SPEF2: variants seen among roughly 807,000 people sequenced by gnomAD.
The protein encoded by SPEF2 is sperm flagella and cilia-associated protein 2.
SPEF2 carries 187 observed loss-of-function variants against 224.6 expected under a neutral mutation model. That is an observed-to-expected ratio of 0.83 (90% CI 0.74 to 0.94). The LOEUF (loss-of-function observed/expected upper bound fraction) is 0.94, where lower values mean the gene tolerates loss of function less well. Among genes scored for constraint, SPEF2 ranks in the 40% least tolerant of loss-of-function variants. SPEF2 has a pLI of 0.00. For missense variants in SPEF2, 2,170 were observed against 2,135.6 expected (o/e 1.02, Z -0.32); for synonymous variants, 715 against 707.3 (o/e 1.01, Z -0.17).
chr5:35,726,452 C>G (rs968308513), intron 20 of SPEF2, among the ~76,000 whole-genome samples: 2 of 152,132 alleles, frequency 1.3e-5, no homozygotes, highest in African/African-American at 2.4e-5. Context: ...TAAACAAAGA[C>G]TTTCTTAAAT....
chr5:35,726,000 A>G (rs1327909732), intron 20 of SPEF2, among the ~76,000 whole-genome samples: 2 of 152,214 alleles, frequency 1.3e-5, no homozygotes, highest in African/African-American at 2.4e-5. Flanking sequence ...TTATTAGAAA[A>G]TGAAGCCTTC....
At chr5:35,806,368 G>A (rs182151538) in intron 34 of SPEF2, among the ~76,000 whole-genome samples, 4 of 152,250 alleles carry the variant, frequency 2.6e-5, no homozygotes, top group East Asian at 1.9e-4. Flanking sequence ...AATTTCAAAA[G>A]CAAATCTTGT....
chr5:35,684,294 G>A (rs896852155), intron 10 of SPEF2, among the ~76,000 whole-genome samples: 3 of 152,028 alleles, frequency 2.0e-5, no homozygotes, highest in Non-Finnish European at 4.4e-5. Flanking sequence ...TGCTTACCTT[G>A]ACTCAGCCTT....
At chr5:35,645,032 T>C (rs1246316310) in intron 4 of SPEF2, among the ~76,000 whole-genome samples, 1 of 152,154 alleles carries the variant, frequency 6.6e-6, no homozygotes, top group African/African-American at 2.4e-5. Context: ...TTTCTGGCCC[T>C]TGCTTCTTGC....
intron 2 of SPEF2, among the ~76,000 whole-genome samples, chr5:35,634,464 T>C (rs1255770443): frequency 6.6e-6 from 1 of 152,152 alleles, no homozygotes; most frequent in African/African-American, 2.4e-5. Context: ...TTGACTATAA[T>C]ATGTCTAGGT....
Position 35,710,253 on chromosome 5 carries a change from G to C in SPEF2, c.2839+1132G>C, listed in dbSNP as rs937989843. ...GGAGGAAAATGGAAATATTTAAAAT[G>C]CTTTTTAGAACTGGGGAAGACAGGC... On this transcript the variant is annotated intron_variant, in intron 19 of 36. Transcript: ENST00000356031. The C allele has an allele frequency of 2.8e-5, 28 of 984,766 alleles. No individual in the cohort carries two copies. In the Middle Eastern group the frequency reaches 1.6e-3, roughly 55 times the overall value. 61.0% of individuals were successfully genotyped at this position (984,766 alleles called of 1,614,324 possible). A position where few individuals can be genotyped will look rare whatever the true frequency, so the allele number is the denominator to read the frequency against.
intron 21 of SPEF2, among the ~76,000 whole-genome samples, chr5:35,733,663 T>G (rs1190130415): frequency 6.6e-6 from 1 of 152,216 alleles, no homozygotes; most frequent in Admixed American, 6.5e-5. Flanking sequence ...TCTTAAAATC[T>G]GTGCTGAAGT....
At chr5:35,754,967 C>A (rs1750223453) in intron 24 of SPEF2, among the ~76,000 whole-genome samples, 1 of 152,230 alleles carries the variant, frequency 6.6e-6, no homozygotes, top group South Asian at 2.1e-4. Flanking sequence ...TACTTCCAGC[C>A]TTCAAAGGGA....
Position 35,700,620 on chromosome 5 carries a change from G to A in SPEF2, c.2266G>A (p.Ala756Thr), listed in dbSNP as rs1303944272. The part of the protein sequence containing the change: ...RNLTEVERKK[A>T]QKSTLAIDPA... ...CCTCACAGAAGTGGAAAGAAAAAAA[G>A]CACAAAAATCCACATTGGCTATTGA... Residue 756 changes from alanine (A) to threonine (T), a missense_variant, in exon 16 of 37, where the codon GCA (alanine) becomes ACA (threonine). By Grantham distance (58) the Ala-to-Thr change is moderately conservative (BLOSUM62 0). Transcript: ENST00000356031. The A allele has an allele frequency of 2.5e-6, 4 of 1,613,850 alleles. No individual in the cohort carries two copies. The highest frequency in any genetic ancestry group is 3.3e-5 in the Admixed American group (2 of 59,974).
rs555902678 is a variant in SPEF2, at chr5:35,771,949, T to G, written c.3949+193T>G. On this transcript the variant is annotated intron_variant, in intron 27 of 36. Transcript: ENST00000356031. ...TATTGCATACCAAGCCCACCTAACT[T>G]GTTTAACCAAATAGCCAGATGTACT... is the stretch of plus-strand genomic sequence containing the variant. 3.9e-5 allele frequency among the ~76,000 whole-genome samples: 6 copies of G among 152,252 alleles called. No homozygotes were observed. In the South Asian group the frequency reaches 1.2e-3, roughly 32 times the overall value.
intron 23 of SPEF2, among the ~76,000 whole-genome samples, chr5:35,743,486 A>G (rs1748003268): frequency 1.3e-5 from 2 of 152,302 alleles, no homozygotes; most frequent in African/African-American, 4.8e-5. Flanking sequence ...AATCCACCTT[A>G]TCAAAGATAT....
At chr5:35,770,248 A>G (rs907939512) in intron 26 of SPEF2, among the ~76,000 whole-genome samples, 4 of 152,118 alleles carry the variant, frequency 2.6e-5, no homozygotes, top group African/African-American at 4.8e-5. Flanking sequence ...TAATAATTGC[A>G]TATATTTATA....
intron 20 of SPEF2, among the ~76,000 whole-genome samples, chr5:35,721,058 A>G (rs1743574557): frequency 6.6e-6 from 1 of 152,250 alleles, no homozygotes; most frequent in South Asian, 2.1e-4. Flanking sequence ...TTAGTGCCTT[A>G]GGAAAACCTT....
At chr5:35,801,702 C>T (rs922257597) in intron 34 of SPEF2, among the ~76,000 whole-genome samples, 1 of 152,062 alleles carries the variant, frequency 6.6e-6, no homozygotes, top group Admixed American at 6.6e-5. Context: ...TCTGTCTTCC[C>T]TCACCTCAAA....
intron 30 of SPEF2, chr5:35,788,484 T>C (rs1400051754): frequency 1.4e-6 from 1 of 702,682 alleles, no homozygotes; most frequent in Non-Finnish European, 2.6e-6. Context: ...GACAGTTTAA[T>C]CAAAGAAGCC....
At chr5:35,751,368 A>T (rs1177893397) in intron 23 of SPEF2, among the ~76,000 whole-genome samples, 1 of 151,042 alleles carries the variant, frequency 6.6e-6, no homozygotes, top group Non-Finnish European at 1.5e-5. Flanking sequence ...GGTGCAGTGT[A>T]TACTGCTCAT....
At position 35,779,266 on chromosome 5, in the gene SPEF2, T is replaced by C. The variant is rs778535047; in HGVS notation, c.4367T>C (p.Val1456Ala). 5 of 1,613,834 alleles carry C rather than the reference T, an allele frequency of 3.1e-6. No individual in the cohort carries two copies. The highest frequency in any genetic ancestry group is 3.3e-5 in the Admixed American group (2 of 59,994). ...CCCCCATCAATACGTCCTCCACCTG[T>C]AGAAAAGGAAGAAGATGGTACCCTG... ...DPPPSIRPPP[V>A]EKEEDGTLTI... is the part of the protein sequence containing the mutation. Residue 1456 changes from valine (V) to alanine (A), a missense_variant, in exon 30 of 37, where the codon GTA (valine) becomes GCA (alanine). By Grantham distance (64) the Val-to-Ala change is moderately conservative. Coordinates refer to ENST00000356031, the MANE Select transcript of SPEF2 (RefSeq NM_024867.4).
chr5:35,805,646 C>T (rs555210258), intron 34 of SPEF2, among the ~76,000 whole-genome samples: 2 of 152,286 alleles, frequency 1.3e-5, no homozygotes, highest in African/African-American at 4.8e-5. Flanking sequence ...TATGCAGACA[C>T]ATATGCACAC....
intron 10 of SPEF2, among the ~76,000 whole-genome samples, chr5:35,682,697 C>T (rs1246435353): frequency 6.6e-6 from 1 of 152,178 alleles, no homozygotes; most frequent in Non-Finnish European, 1.5e-5. Context: ...GAATTTTGTG[C>T]TAGGTGCTCT....
Sources: gnomAD v4.1 joint callset for allele counts (sites outside exome capture counted in the v4.1 genomes callset) on GRCh38, gnomAD v4.1.1 for gene constraint, MANE v1.5 for transcripts, NCBI Gene and HGNC (gene_info 2026-07-23, HGNC 2026-07-21) for gene names.